ADAD1: variants seen among roughly 807,000 people sequenced by gnomAD.
ADAD1 encodes the protein adenosine deaminase domain-containing protein 1.
ADAD1 carries 46 observed loss-of-function variants against 66.8 expected under a neutral mutation model. The observed-to-expected ratio is 0.69, with a 90% confidence interval of 0.54 to 0.88. ADAD1 has a LOEUF of 0.88. Among genes scored for constraint, ADAD1 ranks in the 40% least tolerant of loss-of-function variants. ADAD1 has a pLI of 0.00. For synonymous variants in ADAD1, 248 were observed against 229.4 expected (o/e 1.08, Z -0.73); for missense variants, 617 against 681.8 (o/e 0.91, Z 1.06).
At chr4:122,388,997 G>T (rs994578451) in intron 5 of ADAD1, among the ~76,000 whole-genome samples, 1 of 152,098 alleles carries the variant, frequency 6.6e-6, no homozygotes, top group Non-Finnish European at 1.5e-5. Flanking sequence ...TCTGATGTGG[G>T]CATTTAGTGC....
At chr4:122,411,163 C>A in intron 8 of ADAD1, 59 bp from the exon 9 acceptor site, 1 of 1,338,774 alleles carries the variant, frequency 7.5e-7, no homozygotes, top group South Asian at 1.5e-5. Context: ...ACATGATGCT[C>A]ATTAAGATAT....
Position 122,408,030 on chromosome 4 carries a change from A to C in ADAD1, c.847A>C (p.Arg283=), listed in dbSNP as rs759412069. ...AVVTARRSLL[R]YFYRQLLLFY... Reference sequence around the variant, plus strand: ...TGTTACAGCAAGAAGGTCTCTTCTTAGGTAAGACAATACATATATTAATGT... The same window carrying C: ...TGTTACAGCAAGAAGGTCTCTTCTTCGGTAAGACAATACATATATTAATGT... The change falls in exon 8 of 13, where the codon AGG becomes CGG. Residue 283 remains arginine (R), a splice_region_variant and synonymous_variant. Transcript: ENST00000296513. 5.6e-5 allele frequency: 90 copies of C among 1,611,948 alleles called. No individual in the cohort carries two copies. Among genetic ancestry groups the C allele is most frequent in the Admixed American group, 4.7e-4 (28 of 59,858 alleles).
At chr4:122,427,499 A>C (rs922350544) in intron 12 of ADAD1, among the ~76,000 whole-genome samples, 1 of 148,974 alleles carries the variant, frequency 6.7e-6, no homozygotes, top group Non-Finnish European at 1.5e-5. Context: ...GCTGATTGTG[A>C]AATTGATATG....
At chr4:122,426,107 T>A (rs182144579) in intron 12 of ADAD1, among the ~76,000 whole-genome samples, 3 of 152,156 alleles carry the variant, frequency 2.0e-5, no homozygotes, top group African/African-American at 7.2e-5. Flanking sequence ...TTTAGCTAGA[T>A]TAACCAAGAA....
At chr4:122,385,890 G>A (rs1341326227) in intron 5 of ADAD1, among the ~76,000 whole-genome samples, 5 of 152,050 alleles carry the variant, frequency 3.3e-5, no homozygotes, top group Non-Finnish European at 5.9e-5. Context: ...TTTTATGGCC[G>A]CATAGTATTC....
Position 122,407,936 on chromosome 4 carries a change from C to A in ADAD1, c.753C>A (p.Gly251=), listed in dbSNP as rs1054089234. The A allele has an allele frequency of 2.9e-5, 46 of 1,613,508 alleles. No individual in the cohort carries two copies. The highest frequency in any genetic ancestry group is 3.7e-5 in the Non-Finnish European group (44 of 1,179,736). ...RAGQHEVVAI[G]TGEYNYSQDI... is the part of the protein sequence containing the mutation. ...GACAACATGAGGTTGTAGCTATAGG[C>A]ACAGGTGAATACAATTACAGCCAGG... is the stretch of plus-strand genomic sequence containing the variant. The change falls in exon 8 of 13, where the codon GGC becomes GGA. Residue 251 remains glycine (G), a synonymous_variant. Coordinates refer to ENST00000296513, the MANE Select transcript of ADAD1 (RefSeq NM_139243.4).
In ADAD1 at chr4:122,412,433, A is replaced by G. The variant is rs971810933; in HGVS notation, c.1020-147A>G. On this transcript the variant is annotated intron_variant, in intron 9 of 12. Coordinates refer to ENST00000296513, the MANE Select transcript of ADAD1 (RefSeq NM_139243.4). ...TGTAGAATAAAGGCACTCCACTCCT[A>G]CCTTGCTTTCTTGCATCTGTTTCTG... The G allele has an allele frequency of 7.7e-6, 5 of 651,136 alleles. No homozygotes were observed. In the East Asian group the frequency reaches 1.4e-4, roughly 18 times the overall value. 40.3% of individuals were successfully genotyped at this position (651,136 alleles called of 1,614,324 possible).
intron 7 of ADAD1, among the ~76,000 whole-genome samples, chr4:122,399,493 T>C (rs1795870752): frequency 6.6e-6 from 1 of 152,148 alleles, no homozygotes. Context: ...TCTATGTGAA[T>C]TTTAGGATTT....
intron 12 of ADAD1, among the ~76,000 whole-genome samples, chr4:122,424,972 G>A (rs1192561439): frequency 6.6e-6 from 1 of 152,030 alleles, no homozygotes; most frequent in Non-Finnish European, 1.5e-5. Context: ...GCTAGAGACA[G>A]AGCAACATCT....
chr4:122,409,144 A>G (rs1169361941), intron 8 of ADAD1, among the ~76,000 whole-genome samples: 1 of 152,116 alleles, frequency 6.6e-6, no homozygotes, highest in African/African-American at 2.4e-5. Flanking sequence ...AGAGAGGGAG[A>G]AAAGGGCTTA....
At chr4:122,406,887 C>T (rs1796237161) in intron 7 of ADAD1, among the ~76,000 whole-genome samples, 1 of 152,158 alleles carries the variant, frequency 6.6e-6, no homozygotes, top group African/African-American at 2.4e-5. Flanking sequence ...TCATTATCTT[C>T]ATATAAGCCC....
chr4:122,380,767 A>G (rs751826802), intron 3 of ADAD1, among the ~76,000 whole-genome samples: 2 of 152,164 alleles, frequency 1.3e-5, no homozygotes, highest in Non-Finnish European at 2.9e-5. Flanking sequence ...TCACTTAATA[A>G]TGACATGTTG....
intron 5 of ADAD1, among the ~76,000 whole-genome samples, chr4:122,389,047 G>A: frequency 6.6e-6 from 1 of 152,094 alleles, no homozygotes; most frequent in South Asian, 2.1e-4. Context: ...CTGTGTCCCA[G>A]AGATTCTGGT....
chr4:122,396,209 G>A (rs1236608367), intron 6 of ADAD1, 43 bp from the exon 7 acceptor site: 1 of 1,515,152 alleles, frequency 6.6e-7, no homozygotes, highest in Middle Eastern at 2.0e-4. Flanking sequence ...AGCTCTAGGA[G>A]GAGCACAATG....
At chr4:122,393,543 G>T in intron 5 of ADAD1, 46 bp from the exon 6 acceptor site, 1 of 1,487,572 alleles carries the variant, frequency 6.7e-7, no homozygotes, top group South Asian at 1.3e-5. Flanking sequence ...CAGCTCTTTG[G>T]AATGTTGAAG....
At chr4:122,388,808 GA>G (rs958933476) in intron 5 of ADAD1, among the ~76,000 whole-genome samples, 6 of 151,310 alleles carry the variant, frequency 4.0e-5, no homozygotes, top group South Asian at 2.1e-4. Context: ...TTGTTTCAAA[GA>G]AAAAAAACAG....
At chr4:122,405,928 G>A (rs529282795) in intron 7 of ADAD1, among the ~76,000 whole-genome samples, 9 of 152,142 alleles carry the variant, frequency 5.9e-5, no homozygotes, top group African/African-American at 1.7e-4. Context: ...TTTTGGGGGG[G>A]CTGAAAAATA....
rs1370650564 is a variant in ADAD1, at chr4:122,381,069, A to G, written c.250A>G (p.Lys84Glu). ...NPVLPPKKIPKEFIMKYKRGE... is the reference protein window; with the variant it reads ...NPVLPPKKIPEEFIMKYKRGE... ...TGTCCTTCCTCCAAAAAAAATACCTAAGGAATTTATAATGAAATACAAACG... is the reference window on the plus strand; with the variant it reads ...TGTCCTTCCTCCAAAAAAAATACCTGAGGAATTTATAATGAAATACAAACG... Residue 84 changes from lysine to glutamate, a missense_variant, in exon 4 of 13, where the codon AAG becomes GAG. Coordinates refer to ENST00000296513, the MANE Select transcript of ADAD1 (RefSeq NM_139243.4). The G allele has an allele frequency of 6.2e-7, 1 of 1,604,076 alleles. No individual in the cohort carries two copies. The highest frequency in any genetic ancestry group is 2.2e-5 in the East Asian group (1 of 44,624).
chr4:122,406,089 T>C (rs972283340), intron 7 of ADAD1, among the ~76,000 whole-genome samples: 3 of 152,222 alleles, frequency 2.0e-5, no homozygotes, highest in African/African-American at 7.2e-5. Flanking sequence ...TTTGGATATA[T>C]ACACAGAAGT....
Sources: gnomAD v4.1 joint callset for allele counts (sites outside exome capture counted in the v4.1 genomes callset) on GRCh38, gnomAD v4.1.1 for gene constraint, MANE v1.5 for transcripts, NCBI Gene and HGNC (gene_info 2026-07-23, HGNC 2026-07-21) for gene names.